TAPT1: variants seen among roughly 807,000 people sequenced by gnomAD.
TAPT1 encodes transmembrane anterior posterior transformation 1.
In TAPT1, 28 loss-of-function variants were observed where a neutral mutation model predicts 65.6. The observed-to-expected ratio is 0.43, with a 90% CI of 0.32 to 0.59. The LOEUF (loss-of-function observed/expected upper bound fraction) is 0.59, where lower values mean the gene tolerates loss of function less well. Among genes scored for constraint, TAPT1 ranks in the 20% least tolerant of loss-of-function variants. TAPT1 has a pLI of 0.09. For synonymous variants in TAPT1, 278 were observed against 245.2 expected (o/e 1.13, Z -1.25); for missense variants, 563 against 679.9 (o/e 0.83, Z 1.91).
intron 13 of TAPT1, 102 bp from the exon 14 acceptor site, chr4:16,163,639 C>A: frequency 2.3e-6 from 2 of 851,950 alleles, no homozygotes. Context: ...TGCCCATTAT[C>A]CATGCTTTCC....
intron 1 of TAPT1, among the ~76,000 whole-genome samples, chr4:16,220,191 G>T (rs555757813): frequency 6.6e-6 from 1 of 152,156 alleles, no homozygotes; most frequent in Non-Finnish European, 1.5e-5. Flanking sequence ...TTTGGCTACA[G>T]TTGACTGGTT....
At chr4:16,204,682 C>G (rs1329423058) in intron 2 of TAPT1, among the ~76,000 whole-genome samples, 1 of 152,206 alleles carries the variant, frequency 6.6e-6, no homozygotes, top group African/African-American at 2.4e-5. Context: ...GGGCTTGGGC[C>G]CTGCCTGTGC....
intron 2 of TAPT1, among the ~76,000 whole-genome samples, chr4:16,209,381 C>G (rs926343657): frequency 4.6e-5 from 7 of 152,110 alleles, no homozygotes; most frequent in African/African-American, 1.7e-4. Flanking sequence ...CTGTATTTTG[C>G]ACTGCAAAAG....
At chr4:16,182,966 G>C (rs1333460855) in intron 7 of TAPT1, 1 of 152,080 alleles carries the variant, frequency 6.6e-6, no homozygotes, top group Non-Finnish European at 1.5e-5. Context: ...CTTACACTAC[G>C]TATCTGGCAA....
intron 12 of TAPT1, 36 bp downstream of exon 12, chr4:16,170,617 C>T: frequency 6.7e-7 from 1 of 1,502,448 alleles, no homozygotes; most frequent in Non-Finnish European, 9.3e-7. Flanking sequence ...TTATGCTTTA[C>T]TGTATAGCCA....
chr4:16,204,343 G>C (rs1211801211), intron 2 of TAPT1, among the ~76,000 whole-genome samples: 1 of 152,218 alleles, frequency 6.6e-6, no homozygotes, highest in South Asian at 2.1e-4. Flanking sequence ...AAGCTTTGCA[G>C]AAGAGTATAC....
rs2149660159 is a variant in TAPT1 at position 16,163,051 on chromosome 4, TGCTGCTTGGCCAGGCAGGAG to T, written c.*237_*256del. 1 of 560,738 alleles carries T rather than the reference TGCTGCTTGGCCAGGCAGGAG, an allele frequency of 1.8e-6. No homozygotes were observed. The highest frequency in any genetic ancestry group is 1.8e-5 in the African/African-American group (1 of 54,066). The allele number at this position is 560,738 out of a possible 1,614,324, so 34.7% of individuals were successfully genotyped here. A position where few individuals can be genotyped will look rare whatever the true frequency, so the allele number is the denominator to read the frequency against. On this transcript the variant is annotated 3_prime_UTR_variant, in exon 14 of 14. Transcript: ENST00000405303. ...CTTTGTTGGGTCCTGGAAATGATGC[TGCTGCTTGGCCAGGCAGGAG>T]GAAGTTTTATAATCCATCAAGCTTC...
chr4:16,226,405 A>ACGC lies in TAPT1; in HGVS notation c.50_52dup (p.Gly17dup). 1.8e-6 allele frequency: 2 copies of ACGC among 1,090,064 alleles called. No homozygotes were observed. Among genetic ancestry groups the ACGC allele is most frequent in the African/African-American group, 3.4e-5 (2 of 58,536 alleles). 67.5% of individuals were successfully genotyped at this position (1,090,064 alleles called of 1,614,324 possible). A position where few individuals can be genotyped will look rare whatever the true frequency, so the allele number is the denominator to read the frequency against. Reference sequence around the variant, plus strand: ...GCGGCCGTCCCGCTGCGGGCCGTCCACGCCGCCACCGCCGCCTTCTCCCGG... The same window carrying ACGC: ...GCGGCCGTCCCGCTGCGGGCCGTCCACGCCGCCGCCACCGCCGCCTTCTCCCGG... On this transcript the variant is annotated inframe_insertion, in exon 1 of 14. Coordinates refer to ENST00000405303, the MANE Select transcript of TAPT1 (RefSeq NM_153365.3).
At chr4:16,208,512 C>T (rs1669960311) in intron 2 of TAPT1, among the ~76,000 whole-genome samples, 1 of 152,156 alleles carries the variant, frequency 6.6e-6, no homozygotes, top group Admixed American at 6.5e-5. Context: ...AGTGGCAATG[C>T]CCACCCCATT....
chr4:16,173,458 G>A (rs944441840), intron 11 of TAPT1, among the ~76,000 whole-genome samples: 8 of 151,216 alleles, frequency 5.3e-5, no homozygotes, highest in East Asian at 1.9e-4. Context: ...TTGCTCTTTC[G>A]CCCAGGCTGG....
At chr4:16,189,319 T>C (rs149825754) in intron 4 of TAPT1, among the ~76,000 whole-genome samples, 2 of 152,262 alleles carry the variant, frequency 1.3e-5, no homozygotes, top group South Asian at 2.1e-4. Flanking sequence ...GATATATCAT[T>C]TCCTAATGTC....
chr4:16,170,588 C>T (rs1747930447), intron 12 of TAPT1, 65 bp downstream of exon 12: 5 of 1,222,650 alleles, frequency 4.1e-6, no homozygotes, highest in Non-Finnish European at 6.0e-6. Flanking sequence ...ATGCTACTAA[C>T]TTCCATTACA....
In TAPT1 at chr4:16,167,731, A is replaced by G. The variant is rs911702288; in HGVS notation, c.1314-938T>C. Among the ~76,000 whole-genome samples the G allele has an allele frequency of 4.6e-5, 7 of 152,184 alleles. No homozygotes were observed. In the South Asian group the frequency reaches 1.4e-3, roughly 31 times the overall value. ...GCTTGGCACACAGAAATGGCAAGCA[A>G]TTTTGTTATTATTGTTGTTATTTAT... On this transcript the variant is annotated intron_variant, in intron 12 of 13. Transcript: ENST00000405303.
intron 3 of TAPT1, among the ~76,000 whole-genome samples, chr4:16,202,155 A>G (rs1235314462): frequency 2.0e-5 from 3 of 152,140 alleles, no homozygotes; most frequent in Non-Finnish European, 4.4e-5. Flanking sequence ...TAAGAACGTG[A>G]TAAGTAGGTC....
intron 9 of TAPT1, among the ~76,000 whole-genome samples, chr4:16,175,718 G>C (rs1748281707): frequency 6.6e-6 from 1 of 151,942 alleles, no homozygotes; most frequent in African/African-American, 2.4e-5. Context: ...AAACTTAGCA[G>C]GAACCTATTC....
At chr4:16,168,918 G>A (rs1395124796) in intron 12 of TAPT1, among the ~76,000 whole-genome samples, 3 of 152,256 alleles carry the variant, frequency 2.0e-5, no homozygotes, top group Non-Finnish European at 4.4e-5. Context: ...AGTGAGTCTG[G>A]AGGGAAAGAG....
chr4:16,166,991 CTTT>C (rs5856341), intron 12 of TAPT1, 198 bp from the exon 13 acceptor site: 1,697 of 159,808 alleles, frequency 0.011, no homozygotes, highest in East Asian at 0.02. Flanking sequence ...CCTTAGTTCT[CTTT>C]TTTTTTTTTT....
At chr4:16,185,740 G>T (rs1748977709) in intron 7 of TAPT1, among the ~76,000 whole-genome samples, 2 of 152,122 alleles carry the variant, frequency 1.3e-5, no homozygotes, top group South Asian at 4.1e-4. Flanking sequence ...TGCTTTGGAT[G>T]AGCCATGTGT....
chr4:16,226,392 C>G lies in TAPT1; in HGVS notation c.66G>C (p.Gln22His). 1.2e-5 allele frequency: 13 copies of G among 1,098,568 alleles called. No individual in the cohort carries two copies. Among genetic ancestry groups the G allele is most frequent in the Non-Finnish European group, 1.4e-5 (13 of 903,898 alleles). The allele number at this position is 1,098,568 out of a possible 1,614,324, so 68.1% of individuals were successfully genotyped here. Reference protein sequence around the residue: ...EGGGGGVDGPQRDGRGEAEQP... With the variant: ...EGGGGGVDGPHRDGRGEAEQP... Reference sequence around the variant, plus strand: ...GCTCCGCCTCGCCGCGGCCGTCCCGCTGCGGGCCGTCCACGCCGCCACCGC... The same window carrying G: ...GCTCCGCCTCGCCGCGGCCGTCCCGGTGCGGGCCGTCCACGCCGCCACCGC... Residue 22 changes from glutamine (Q) to histidine (H), a missense_variant, in exon 1 of 14, where the codon CAG (glutamine) becomes CAC (histidine). Around this residue, in one of 5 missense-constraint regions of TAPT1, gnomAD observed 103 missense variants for 89.4 expected, o/e 1.15. Transcript: ENST00000405303.
Sources: allele counts gnomAD v4.1 joint callset (sites outside exome capture counted in the v4.1 genomes callset), GRCh38; gene constraint gnomAD v4.1.1; regional missense constraint gnomAD v4.1.1; transcripts MANE v1.5; gene names NCBI Gene and HGNC (gene_info 2026-07-23, HGNC 2026-07-21).